Variants in MYO1C observed in about 807,000 individuals in gnomAD.
MYO1C encodes myosin IC.
A neutral mutation model predicts 150.8 loss-of-function variants in MYO1C; 104 were observed. That is an observed-to-expected ratio of 0.69 (90% CI 0.59 to 0.81). MYO1C has a LOEUF of 0.81. MYO1C is among the 30% of genes least tolerant of loss of function. The pLI, the probability that MYO1C is intolerant of heterozygous loss-of-function variation, is 0.00. For missense variants in MYO1C, 1,504 were observed against 1,435.0 expected (o/e 1.05, Z -0.78); for synonymous variants, 663 against 579.9 (o/e 1.14, Z -2.06).
chr17:1,479,710 G>T lies in MYO1C; in HGVS notation c.907-5C>A. On this transcript the variant is annotated splice_polypyrimidine_tract_variant and splice_region_variant and intron_variant, in intron 7 of 31. Coordinates refer to ENST00000648651, the MANE Select transcript of MYO1C (RefSeq NM_001080779.2). The surrounding 1 kb of genome is among the most constrained non-coding windows in gnomAD (Gnocchi z 4.2). ...GGCCACGATGCTCAGCAGGTCCTGG[G>T]GGAGCAGGCCGGGGGCAGGAGGGGG... is the stretch of plus-strand genomic sequence containing the variant. 1 of 1,606,542 alleles carries T rather than the reference G, an allele frequency of 6.2e-7. No homozygotes were observed. Among genetic ancestry groups the T allele is most frequent in the Non-Finnish European group, 8.5e-7 (1 of 1,176,436 alleles).
In MYO1C at chr17:1,483,633, G is replaced by A. The variant is rs1347679100; in HGVS notation, c.324C>T (p.Ser108=). The change falls in exon 3 of 32, where the codon AGC becomes AGT. Residue 108 remains serine, a synonymous_variant. Coordinates refer to ENST00000648651, the MANE Select transcript of MYO1C (RefSeq NM_001080779.2). ...ACAGGTGAGGGGGCACTTCATAGAA[G>A]CTGACGCCACGGTAACGCTCCATAT... ...RQHMERYRGV[S]FYEVPPHLFA... is the part of the protein sequence containing the mutation. 2 of 1,611,528 alleles carry A rather than the reference G, an allele frequency of 1.2e-6. No homozygotes were observed. Among genetic ancestry groups the A allele is most frequent in the Non-Finnish European group, 8.5e-7 (1 of 1,179,116 alleles).
chr17:1,471,393 C>G, intron 19 of MYO1C, 57 bp from the exon 20 acceptor site: 1 of 1,482,680 alleles, frequency 6.7e-7, no homozygotes, highest in Non-Finnish European at 9.3e-7. Context: ...CCTGGGGACC[C>G]CAATCAGCTT....
At position 1,479,699 on chromosome 17, in the gene MYO1C, G is replaced by T; in HGVS notation, c.913C>A (p.Leu305Met). ...DFTEDEVEDLLSIVASVLHLG... is the reference protein window; with the variant it reads ...DFTEDEVEDLMSIVASVLHLG... The stretch of plus-strand genomic sequence containing the variant: ...TGAAGGACGCTGGCCACGATGCTCA[G>T]CAGGTCCTGGGGGAGCAGGCCGGGG... Residue 305 changes from leucine to methionine, a missense_variant, in exon 8 of 32, where the codon CTG (leucine) becomes ATG (methionine). Coordinates refer to ENST00000648651, the MANE Select transcript of MYO1C (RefSeq NM_001080779.2). The surrounding 1 kb of genome is among the most constrained non-coding windows in gnomAD (Gnocchi z 4.2). The T allele has an allele frequency of 6.2e-7, 1 of 1,610,364 alleles. No homozygotes were observed. The highest frequency in any genetic ancestry group is 8.5e-7 in the Non-Finnish European group (1 of 1,178,586).
chr17:1,483,135 G>T, intron 3 of MYO1C, 76 bp from the exon 4 acceptor site: 1 of 1,419,640 alleles, frequency 7.0e-7, no homozygotes, highest in Non-Finnish European at 9.5e-7. Flanking sequence ...TCCCACATCT[G>T]GGTGGAGTCC....
chr17:1,484,116 G>C, intron 2 of MYO1C, 32 bp downstream of exon 2: 1 of 1,610,646 alleles, frequency 6.2e-7, no homozygotes, highest in Non-Finnish European at 8.5e-7. Context: ...TGTGACCCCA[G>C]CACCCCTGCC....
intron 1 of MYO1C, chr17:1,485,290 G>T: frequency 1.8e-6 from 2 of 1,127,642 alleles, no homozygotes; most frequent in Non-Finnish European, 2.2e-6. Flanking sequence ...AGAACAAGGT[G>T]GTGGTGATTG....
At position 1,491,455 on chromosome 17, in the gene MYO1C, C is replaced by CG. The variant is rs1555524133; in HGVS notation, c.75+957_75+958insC. 84 of 158,074 alleles carry CG rather than the reference C, an allele frequency of 5.3e-4. 9 individuals are homozygous for CG. The highest frequency in any genetic ancestry group is 3.2e-3 in the Middle Eastern group (1 of 316). 9.8% of individuals were successfully genotyped at this position (158,074 alleles called of 1,614,324 possible). On this transcript the variant is annotated intron_variant, in intron 1 of 31. Coordinates refer to ENST00000648651, the MANE Select transcript of MYO1C (RefSeq NM_001080779.2). Reference sequence around the variant, plus strand: ...CGCCTCCGGGTCGTGGGACCCCCCCCCCCCGCACGGGTCCACGCGGCCGTT... The same window carrying CG: ...CGCCTCCGGGTCGTGGGACCCCCCCCGCCCCGCACGGGTCCACGCGGCCGTT...
At chr17:1,472,904 G>T (rs2074333036) in intron 17 of MYO1C, among the ~76,000 whole-genome samples, 1 of 152,112 alleles carries the variant, frequency 6.6e-6, no homozygotes. Flanking sequence ...GGAGAGAAAA[G>T]AACGAGGGGG....
intron 1 of MYO1C, chr17:1,491,626 G>A: frequency 1.0e-6 from 1 of 981,350 alleles, no homozygotes; most frequent in Admixed American, 6.3e-5. Context: ...GCGCGGGCGG[G>A]GCCGGGCTGG....
At chr17:1,480,504 G>A (rs201475869) in intron 7 of MYO1C, 23 bp downstream of exon 7, 28 of 1,590,398 alleles carry the variant, frequency 1.8e-5, no homozygotes, top group Middle Eastern at 1.7e-4. Context: ...GGAGGAAAGC[G>A]AGGGTCCCGG....
chr17:1,479,474 C>G lies in MYO1C; in HGVS notation c.1049G>C (p.Arg350Pro), dbSNP rs751264944. 1 of 1,521,310 alleles carries G rather than the reference C, an allele frequency of 6.6e-7. No homozygotes were observed. 94.2% of individuals were successfully genotyped at this position (1,521,310 alleles called of 1,614,324 possible). A position where few individuals can be genotyped will look rare whatever the true frequency, so the allele number is the denominator to read the frequency against. The change falls in exon 9 of 32, where the codon CGA becomes CCA. Residue 350 changes from arginine to proline, a missense_variant. Coordinates refer to ENST00000648651, the MANE Select transcript of MYO1C (RefSeq NM_001080779.2). This position sits in a 1 kb window ranked among gnomAD's most constrained non-coding sequence, Gnocchi z 4.2. Reference protein sequence around the residue: ...RLLSVEGSTLREALTHRKIIA... With the variant: ...RLLSVEGSTLPEALTHRKIIA... ...GATCTTCCTGTGTGTCAGGGCTTCT[C>G]GCAGCGTCGAGCCTTCCACGCTGAG...
At chr17:1,474,892 A>G in intron 15 of MYO1C, 34 bp from the exon 16 acceptor site, 1 of 1,613,408 alleles carries the variant, frequency 6.2e-7, no homozygotes, top group Non-Finnish European at 8.5e-7. Flanking sequence ...GGTGAGACAG[A>G]GCCTCCCCGC....
rs2074616966 is a variant in MYO1C at position 1,484,813 on chromosome 17, A to G, written c.76-510T>C. Among the ~76,000 whole-genome samples the G allele has an allele frequency of 3.9e-5, 6 of 152,266 alleles. 1 individual carries two copies. The South Asian group carries it at 1.0e-3, about 26-fold the overall frequency. On this transcript the variant is annotated intron_variant, in intron 1 of 31. Coordinates refer to ENST00000648651, the MANE Select transcript of MYO1C (RefSeq NM_001080779.2). The stretch of plus-strand genomic sequence containing the variant: ...CCCTCAGCTCTGAGCCACGTGTGAC[A>G]GGTGCTTTGGAGGACAAATGGCTCA...
intron 17 of MYO1C, among the ~76,000 whole-genome samples, chr17:1,473,194 C>G (rs1031508237): frequency 6.6e-6 from 1 of 152,024 alleles, no homozygotes; most frequent in African/African-American, 2.4e-5. Context: ...AGCGAGACTC[C>G]GTCTCAAAAA....
In MYO1C at chr17:1,479,544, G is replaced by T; in HGVS notation, c.1021-42C>A. On this transcript the variant is annotated intron_variant, in intron 8 of 31. Coordinates refer to ENST00000648651, the MANE Select transcript of MYO1C (RefSeq NM_001080779.2). The surrounding 1 kb of genome is among the most constrained non-coding windows in gnomAD (Gnocchi z 4.2). ...AGGACACGGTGAGGGTGCACCCCCA[G>T]CCCCCGCCCCCGCCGTCCTCCCGTC... The T allele has an allele frequency of 8.5e-7, 1 of 1,175,168 alleles. No homozygotes were observed. The highest frequency in any genetic ancestry group is 1.2e-6 in the Non-Finnish European group (1 of 804,192). 72.8% of individuals were successfully genotyped at this position (1,175,168 alleles called of 1,614,324 possible). A position where few individuals can be genotyped will look rare whatever the true frequency, so the allele number is the denominator to read the frequency against.
intron 17 of MYO1C, chr17:1,472,460 A>C: frequency 3.6e-6 from 2 of 549,238 alleles, no homozygotes; most frequent in South Asian, 2.2e-5. Flanking sequence ...CCAGCCTAAA[A>C]CTCCTGCTCA....
chr17:1,470,109 G>A (rs575906277), intron 24 of MYO1C, 66 bp downstream of exon 24: 13 of 1,504,008 alleles, frequency 8.6e-6, no homozygotes, highest in Admixed American at 8.1e-5. Flanking sequence ...CCTTTGGCCC[G>A]AAGAAATCAG....
intron 1 of MYO1C, 153 bp from the exon 2 acceptor site, chr17:1,484,456 GCTGAGGGCC>G: frequency 2.1e-6 from 1 of 465,716 alleles, no homozygotes; most frequent in Non-Finnish European, 3.4e-6. Context: ...GGGCCTGGGT[GCTGAGGGCC>G]TGGGTGTGGT....
At position 1,492,020 on chromosome 17, in the gene MYO1C, G is replaced by T. The variant is rs1053658158; in HGVS notation, c.75+393C>A. 3.0e-5 allele frequency: 8 copies of T among 262,916 alleles called. No individual in the cohort carries two copies. In the East Asian group the frequency reaches 6.1e-4, roughly 20 times the overall value. The allele number at this position is 262,916 out of a possible 1,614,324, so 16.3% of individuals were successfully genotyped here. A position where few individuals can be genotyped will look rare whatever the true frequency, so the allele number is the denominator to read the frequency against. On this transcript the variant is annotated intron_variant, in intron 1 of 31. Transcript: ENST00000648651. ...TGACCCTTCACCCACCTCCCACACC[G>T]TCCTTCTGTTCTGAGTCTTGGGCGG...
Sources: allele counts gnomAD v4.1 joint callset (sites outside exome capture counted in the v4.1 genomes callset), GRCh38; gene constraint gnomAD v4.1.1; non-coding constraint Gnocchi (gnomAD v3.1); transcripts MANE v1.5; gene names NCBI Gene and HGNC (gene_info 2026-07-23, HGNC 2026-07-21).